The following ZMYM4 variants were observed in gnomAD, a reference collection of about 807,000 sequenced individuals.
ZMYM4 encodes the protein zinc finger MYM-type protein 4.
A neutral mutation model predicts 183.2 loss-of-function variants in ZMYM4; 31 were observed. The observed-to-expected ratio is 0.17, with a 90% CI of 0.13 to 0.23. The LOEUF is 0.23. Among genes scored for constraint, ZMYM4 ranks in the 10% least tolerant of loss-of-function variants. The pLI, the probability that ZMYM4 is intolerant of heterozygous loss-of-function variation, is 1.00. For missense variants in ZMYM4, 1,273 were observed against 1,840.3 expected (o/e 0.69, Z 5.64); for synonymous variants, 592 against 631.2 (o/e 0.94, Z 0.93).
intron 1 of ZMYM4, among the ~76,000 whole-genome samples, chr1:35,270,897 A>G (rs1639564869): frequency 1.3e-5 from 2 of 152,224 alleles, no homozygotes; most frequent in Non-Finnish European, 2.9e-5. Flanking sequence ...GTTTTGAACA[A>G]TAAATTTTTA....
At chr1:35,397,038 T>C in intron 19 of ZMYM4, 1 of 1,006,976 alleles carries the variant, frequency 9.9e-7, no homozygotes, top group Non-Finnish European at 1.2e-6. Flanking sequence ...TAATTACAAA[T>C]TTATTTTTCC....
At chr1:35,302,253 G>T (rs955719366) in intron 1 of ZMYM4, among the ~76,000 whole-genome samples, 2 of 139,312 alleles carry the variant, frequency 1.4e-5, no homozygotes, top group Non-Finnish European at 3.0e-5. Flanking sequence ...TGTTACTCAG[G>T]CTGGGGTGCA....
At chr1:35,310,635 A>G (rs937622568) in intron 1 of ZMYM4, among the ~76,000 whole-genome samples, 8 of 151,740 alleles carry the variant, frequency 5.3e-5, no homozygotes, top group East Asian at 1.9e-4. Flanking sequence ...CTGGAGTGCA[A>G]TGTCACAATC....
intron 23 of ZMYM4, among the ~76,000 whole-genome samples, chr1:35,402,711 T>TA (rs1030086705): frequency 6.6e-6 from 1 of 152,048 alleles, no homozygotes; most frequent in Non-Finnish European, 1.5e-5. Context: ...ATCTTAGAAA[T>TA]AAAAAAAAGA....
At chr1:35,347,058 T>C (rs1643423878) in intron 2 of ZMYM4, among the ~76,000 whole-genome samples, 3 of 152,194 alleles carry the variant, frequency 2.0e-5, no homozygotes, top group South Asian at 2.1e-4. Flanking sequence ...CAGGCTGGAG[T>C]GCAATGGCAC....
chr1:35,373,368 CTT>C, intron 7 of ZMYM4, among the ~76,000 whole-genome samples: 1 of 140,986 alleles, frequency 7.1e-6, no homozygotes, highest in Non-Finnish European at 1.5e-5. Flanking sequence ...ATGATCTTAA[CTT>C]TTTTTTTTTC....
chr1:35,280,471 C>A (rs1483422866), intron 1 of ZMYM4, among the ~76,000 whole-genome samples: 5 of 152,116 alleles, frequency 3.3e-5, no homozygotes, highest in Admixed American at 3.3e-4. Context: ...AAGCAGCACT[C>A]CACTTCCATG....
At chr1:35,325,925 C>T (rs1264892450) in intron 2 of ZMYM4, among the ~76,000 whole-genome samples, 2 of 152,002 alleles carry the variant, frequency 1.3e-5, no homozygotes, top group African/African-American at 4.8e-5. Flanking sequence ...TATAGCTATA[C>T]ATGGTGTATG....
At chr1:35,297,975 A>G (rs1050279000) in intron 1 of ZMYM4, among the ~76,000 whole-genome samples, 16 of 152,246 alleles carry the variant, frequency 1.1e-4, no homozygotes, top group African/African-American at 3.1e-4. Context: ...AATTAACTCT[A>G]AGGCTTAAAG....
intron 1 of ZMYM4, among the ~76,000 whole-genome samples, chr1:35,303,754 C>T (rs1641399159): frequency 6.6e-6 from 1 of 152,100 alleles, no homozygotes; most frequent in Admixed American, 6.6e-5. Flanking sequence ...TTTATTTTTG[C>T]TTTTATCATT....
chr1:35,313,227 G>A (rs1236125866), intron 1 of ZMYM4, among the ~76,000 whole-genome samples: 1 of 151,990 alleles, frequency 6.6e-6, no homozygotes, highest in African/African-American at 2.4e-5. Context: ...TAGGTACGGG[G>A]TTTCACCATG....
intron 1 of ZMYM4, among the ~76,000 whole-genome samples, chr1:35,273,641 A>G (rs1490284025): frequency 6.6e-6 from 1 of 152,210 alleles, no homozygotes; most frequent in Non-Finnish European, 1.5e-5. Context: ...GAGAGAAAGC[A>G]TATGTATAAG....
At position 35,359,408 on chromosome 1, in the gene ZMYM4, T is replaced by C. The variant is rs773707671; in HGVS notation, c.569T>C (p.Leu190Ser). Residue 190 changes from leucine (L) to serine (S), a missense_variant, in exon 3 of 30, where the codon TTG (leucine) becomes TCG (serine). By Grantham distance (145) the Leu-to-Ser change is moderately radical. Coordinates refer to ENST00000314607, the MANE Select transcript of ZMYM4 (RefSeq NM_005095.3). ...CGGTTGGATAAACCCCATAAAGATTTGGATTCAAGGTTGAAAAGCAGTTTT... is the reference window on the plus strand; with the variant it reads ...CGGTTGGATAAACCCCATAAAGATTCGGATTCAAGGTTGAAAAGCAGTTTT... Reference protein sequence around the residue: ...EKRLDKPHKDLDSRLKSSFFD... With the variant: ...EKRLDKPHKDSDSRLKSSFFD... 1.3e-6 allele frequency: 2 copies of C among 1,575,768 alleles called. No individual in the cohort carries two copies. Among genetic ancestry groups the C allele is most frequent in the Non-Finnish European group, 1.7e-6 (2 of 1,168,578 alleles).
intron 18 of ZMYM4, among the ~76,000 whole-genome samples, 161 bp downstream of exon 18, chr1:35,393,900 C>T (rs544259399): frequency 2.0e-5 from 3 of 152,196 alleles, no homozygotes; most frequent in African/African-American, 7.2e-5. Context: ...AGGTATTTTC[C>T]GCATCTGAGG....
chr1:35,357,561 G>C (rs1479535786), intron 2 of ZMYM4, among the ~76,000 whole-genome samples: 1 of 152,144 alleles, frequency 6.6e-6, no homozygotes, highest in Non-Finnish European at 1.5e-5. Flanking sequence ...TTAGAACTAG[G>C]TGCTAAGTGG....
Position 35,370,386 on chromosome 1 carries a change from A to G in ZMYM4, c.940A>G (p.Thr314Ala), listed in dbSNP as rs1022617977. Residue 314 changes from threonine (T) to alanine (A), a missense_variant, in exon 7 of 30, where the codon ACT (threonine) becomes GCT (alanine). Transcript: ENST00000314607. ...SGSPLAPQLT[T>A]GFQPSLASSG... Reference sequence around the variant, plus strand: ...TTTTTTTAAAGCTCCACAGTTGACTACTGGCTTTCAGCCCTCACTGGCGTC... The same window carrying G: ...TTTTTTTAAAGCTCCACAGTTGACTGCTGGCTTTCAGCCCTCACTGGCGTC... The G allele has an allele frequency of 3.3e-6, 5 of 1,508,356 alleles. No homozygotes were observed. The highest frequency in any genetic ancestry group is 4.4e-6 in the Non-Finnish European group (5 of 1,134,768). The allele number at this position is 1,508,356 out of a possible 1,614,324, so 93.4% of individuals were successfully genotyped here. A position where few individuals can be genotyped will look rare whatever the true frequency, so the allele number is the denominator to read the frequency against.
chr1:35,392,430 A>G (rs964954808), intron 16 of ZMYM4, 78 bp downstream of exon 16: 1 of 1,517,688 alleles, frequency 6.6e-7, no homozygotes, highest in African/African-American at 1.4e-5. Flanking sequence ...TTCATCAGGG[A>G]TTATTTTCAT....
rs766837460 is a variant in ZMYM4, at chr1:35,387,108, G to T, written c.1942G>T (p.Gly648Cys). The T allele has an allele frequency of 6.2e-7, 1 of 1,614,216 alleles. No homozygotes were observed. Among genetic ancestry groups the T allele is most frequent in the Non-Finnish European group, 8.5e-7 (1 of 1,180,044 alleles). ...AGGTTCCACAGTGTCAGCCGGAGGA[G>T]GTAGCACATCTGCTGTTTCTCCCAC... is the stretch of plus-strand genomic sequence containing the variant. ...PTGSTVSAGGGSTSAVSPTSI... is the reference protein window; with the variant it reads ...PTGSTVSAGGCSTSAVSPTSI... Residue 648 changes from glycine to cysteine, a missense_variant, in exon 12 of 30, where the codon GGT (glycine) becomes TGT (cysteine). By Grantham distance (159) the Gly-to-Cys change is radical. This residue lies in a region of ZMYM4 where 319 missense variants were observed against 518.1 expected (regional missense o/e 0.62). Transcript: ENST00000314607.
rs1644452515 is a variant in ZMYM4, at chr1:35,381,296, T to A, written c.1219T>A (p.Phe407Ile). The A allele has an allele frequency of 6.2e-7, 1 of 1,611,746 alleles. No homozygotes were observed. Among genetic ancestry groups the A allele is most frequent in the Non-Finnish European group, 8.5e-7 (1 of 1,178,948 alleles). The change falls in exon 8 of 30, where the codon TTT (phenylalanine) becomes ATT (isoleucine). Residue 407 changes from phenylalanine (F) to isoleucine (I), a missense_variant. Transcript: ENST00000314607. ...TCCAAAGGATGTGATCAGTGCCCAG[T>A]TTGAAAACACCACCACTAGTAAAGA... is the stretch of plus-strand genomic sequence containing the variant. ...LNPKDVISAQ[F>I]ENTTTSKDFC...
Sources: gnomAD v4.1 joint callset for allele counts (sites outside exome capture counted in the v4.1 genomes callset) on GRCh38, gnomAD v4.1.1 for gene constraint, gnomAD v4.1.1 regional missense constraint, MANE v1.5 for transcripts, NCBI Gene and HGNC (gene_info 2026-07-23, HGNC 2026-07-21) for gene names.